KCNIP1: variants seen among roughly 807,000 people sequenced by gnomAD.
KCNIP1 encodes A-type potassium channel modulatory protein KCNIP1.
Under a neutral mutation model 33.0 loss-of-function variants are expected in KCNIP1, and 18 were observed. The ratio of observed to expected loss-of-function variants is 0.55; its 90% CI spans 0.38 to 0.81. The LOEUF is 0.81. Among genes scored for constraint, KCNIP1 ranks in the 30% least tolerant of loss-of-function variants. KCNIP1 has a pLI of 0.00. For synonymous variants in KCNIP1, 93 were observed against 98.3 expected (o/e 0.95, Z 0.32); for missense variants, 238 against 271.6 (o/e 0.88, Z 0.87).
At chr5:170,448,648 A>G (rs749780847) in intron 1 of KCNIP1, among the ~76,000 whole-genome samples, 6 of 152,280 alleles carry the variant, frequency 3.9e-5, no homozygotes, top group Admixed American at 6.5e-5. Flanking sequence ...AAAAGCCACA[A>G]GTGAAAAGGC....
intron 1 of KCNIP1, chr5:170,482,950 A>G: frequency 2.7e-6 from 1 of 368,874 alleles, no homozygotes; most frequent in Non-Finnish European, 5.3e-6. Flanking sequence ...TCAGTATTTC[A>G]AATAGGTCAT....
exon 1 of KCNIP1, chr5:170,353,829 C>G (rs754059865): frequency 6.4e-7 from 1 of 1,573,462 alleles, no homozygotes; most frequent in Non-Finnish European, 8.7e-7. Context: ...AAGGTGGGCA[C>G]TGTCCCTTCT....
upstream of KCNIP1, among the ~76,000 whole-genome samples, chr5:170,502,749 A>G (rs192503350): frequency 6.0e-4 from 91 of 152,134 alleles, no homozygotes; most frequent in African/African-American, 2.2e-3. Context: ...GCAGACAGAA[A>G]ATGGCTGGGT....
rs576057926 is a variant in KCNIP1, at chr5:170,550,070, A to G, written c.61+45437A>G. On this transcript the variant is annotated intron_variant, in intron 1 of 7. Coordinates refer to ENST00000328939, the MANE Select transcript of KCNIP1 (RefSeq NM_014592.4). The stretch of plus-strand genomic sequence containing the variant: ...GTCGTGGAGGCATTAAGAAAGAAGT[A>G]GCAAGTGCCTAGAATCCAGCTGCCC... Among the ~76,000 whole-genome samples the G allele has an allele frequency of 3.3e-5, 5 of 152,310 alleles. No homozygotes were observed. In the South Asian group the frequency reaches 1.0e-3, roughly 32 times the overall value.
chr5:170,504,034 G>C lies in KCNIP1; in HGVS notation c.-539G>C. ...TCCGCCGCTCCGACTCTCGCCCCGA[G>C]CGCTGGCAGCAGGCAGCAGGCAGCA... is the stretch of plus-strand genomic sequence containing the variant. On this transcript the variant is annotated 5_prime_UTR_variant, in exon 1 of 8. Transcript: ENST00000328939. This position sits in a 1 kb window ranked among gnomAD's most constrained non-coding sequence, Gnocchi z 6.0. 2.0e-6 allele frequency: 2 copies of C among 982,282 alleles called. No homozygotes were observed. The highest frequency in any genetic ancestry group is 1.2e-6 in the Non-Finnish European group (1 of 829,672). The allele number at this position is 982,282 out of a possible 1,614,324, so 60.8% of individuals were successfully genotyped here. A position where few individuals can be genotyped will look rare whatever the true frequency, so the allele number is the denominator to read the frequency against.
At chr5:170,381,202 C>A (rs1764225679) in intron 1 of KCNIP1, among the ~76,000 whole-genome samples, 2 of 152,162 alleles carry the variant, frequency 1.3e-5, no homozygotes, top group South Asian at 4.1e-4. Context: ...TCTTCATGGC[C>A]AAACCCAGAA....
At chr5:170,477,569 A>G (rs1194448158) in intron 1 of KCNIP1, among the ~76,000 whole-genome samples, 1 of 152,044 alleles carries the variant, frequency 6.6e-6, no homozygotes, top group Non-Finnish European at 1.5e-5. Flanking sequence ...CAGCCTCCCA[A>G]GTAGCTGGGA....
intron 1 of KCNIP1, among the ~76,000 whole-genome samples, chr5:170,590,840 T>C (rs949669247): frequency 6.6e-6 from 1 of 152,218 alleles, no homozygotes; most frequent in African/African-American, 2.4e-5. Flanking sequence ...TGCATCTGCA[T>C]GCATGCAGGC....
At chr5:170,682,784 C>CTTTGTTTTT (rs1762396344) in intron 1 of KCNIP1, among the ~76,000 whole-genome samples, 1 of 71,404 alleles carries the variant, frequency 1.4e-5, no homozygotes, top group Non-Finnish European at 2.4e-5. Flanking sequence ...TTCTTTGTTT[C>CTTTGTTTTT]TTTTTTTTTT....
chr5:170,482,060 C>T (rs114513822), intron 1 of KCNIP1, among the ~76,000 whole-genome samples: 1,823 of 152,332 alleles, frequency 0.012, 40 homozygotes, highest in African/African-American at 0.042. Flanking sequence ...GCTGTGGTTA[C>T]GGGATGCTTT....
chr5:170,361,731 T>A (rs1763517512), intron 1 of KCNIP1, among the ~76,000 whole-genome samples: 1 of 152,200 alleles, frequency 6.6e-6, no homozygotes. Context: ...CTTCCTGGCT[T>A]ACAGACAGCA....
chr5:170,524,632 C>T (rs1332026634), intron 1 of KCNIP1, among the ~76,000 whole-genome samples: 3 of 152,130 alleles, frequency 2.0e-5, no homozygotes, highest in African/African-American at 7.2e-5. Flanking sequence ...GCTGCCTGTC[C>T]CAAGATGGAA....
chr5:170,574,885 C>T (rs992245050), intron 1 of KCNIP1, among the ~76,000 whole-genome samples: 8 of 152,316 alleles, frequency 5.3e-5, no homozygotes, highest in East Asian at 1.9e-4. Flanking sequence ...ATGGGGGAAA[C>T]GTGCCGATTC....
chr5:170,661,948 C>T (rs977478009), intron 1 of KCNIP1, among the ~76,000 whole-genome samples: 1 of 152,166 alleles, frequency 6.6e-6, no homozygotes, highest in African/African-American at 2.4e-5. Flanking sequence ...GGCTCGAGCA[C>T]AACGCAGCAG....
chr5:170,365,472 C>T (rs1263669537), intron 1 of KCNIP1, among the ~76,000 whole-genome samples: 3 of 152,154 alleles, frequency 2.0e-5, no homozygotes, highest in African/African-American at 4.8e-5. Flanking sequence ...CTGGAGCTGG[C>T]GGGCCATTTG....
At chr5:170,521,927 G>T (rs1166751124) in intron 1 of KCNIP1, among the ~76,000 whole-genome samples, 2 of 152,194 alleles carry the variant, frequency 1.3e-5, no homozygotes, top group Non-Finnish European at 2.9e-5. Context: ...CTTCCATCTT[G>T]TTGCTCCCCC....
intron 1 of KCNIP1, among the ~76,000 whole-genome samples, chr5:170,541,788 CTGCACCTCTCTGAGGTCCATT>C (rs963506175): frequency 1.4e-4 from 22 of 152,302 alleles, no homozygotes; most frequent in South Asian, 6.2e-4. Context: ...TGGCAAGCCT[CTGCACCTCTCTGAGGTCCATT>C]TGCACCTCTC....
rs1324475181 is a variant in KCNIP1 at position 170,406,850 on chromosome 5, A to G, written c.88+52886A>G. Among the ~76,000 whole-genome samples, 3 of 152,220 alleles carry G rather than the reference A, an allele frequency of 2.0e-5. No individual in the cohort carries two copies. In the South Asian group the frequency reaches 6.2e-4, roughly 32 times the overall value. On this transcript the variant is annotated intron_variant, in intron 1 of 7. Transcript: ENST00000377360. ...CCAAGGCCAGGCAGGAGGCAAGGCC[A>G]TGGGCCCAAATCTGTGCCATGAGTG...
intron 5 of KCNIP1, among the ~76,000 whole-genome samples, chr5:170,725,224 C>T (rs1342551815): frequency 2.6e-5 from 4 of 152,190 alleles, no homozygotes; most frequent in Non-Finnish European, 5.9e-5. Context: ...TATCTGCACT[C>T]CCATGTTTTT....
Sources: allele counts gnomAD v4.1 joint callset (sites outside exome capture counted in the v4.1 genomes callset), GRCh38; gene constraint gnomAD v4.1.1; non-coding constraint Gnocchi (gnomAD v3.1); transcripts MANE v1.5; gene names NCBI Gene and HGNC (gene_info 2026-07-23, HGNC 2026-07-21).